PRKCH: variants seen among roughly 807,000 people sequenced by gnomAD.
The protein encoded by PRKCH is protein kinase C eta type.
Under a neutral mutation model 82.5 loss-of-function variants are expected in PRKCH, and 28 were observed. The ratio of observed to expected loss-of-function variants is 0.34; its 90% CI spans 0.25 to 0.47. PRKCH has a LOEUF of 0.47. Ranked by LOEUF, PRKCH falls within the 20% of genes least tolerant of loss-of-function variation. The pLI, the probability that PRKCH is intolerant of heterozygous loss-of-function variation, is 1.00. For missense variants in PRKCH, 705 were observed against 881.8 expected, an observed-to-expected ratio of 0.80 and a Z score of 2.54; for synonymous variants, 322 against 327.4, an observed-to-expected ratio of 0.98 and a Z score of 0.18.
At chr14:61,472,619 G>A (rs1351218079) in intron 9 of PRKCH, among the ~76,000 whole-genome samples, 2 of 152,166 alleles carry the variant, frequency 1.3e-5, no homozygotes, top group Non-Finnish European at 2.9e-5. Context: ...GAGCCCGGGA[G>A]GTTGAGGCTG....
At chr14:61,491,001 C>G (rs1406888627) in intron 10 of PRKCH, among the ~76,000 whole-genome samples, 1 of 152,166 alleles carries the variant, frequency 6.6e-6, no homozygotes. Context: ...CACTCTCTCT[C>G]TCTCCCTGCA....
intron 10 of PRKCH, among the ~76,000 whole-genome samples, chr14:61,507,180 A>T (rs1887185697): frequency 6.6e-6 from 1 of 152,204 alleles, no homozygotes; most frequent in Non-Finnish European, 1.5e-5. Flanking sequence ...CAGTAGGTTT[A>T]TGAAAAGTTG....
At chr14:61,390,899 C>G (rs1324349135) in intron 1 of PRKCH, 6 of 225,130 alleles carry the variant, frequency 2.7e-5, no homozygotes, top group African/African-American at 1.4e-4. Context: ...AAATGCTGCT[C>G]TTATAAGCCA....
chr14:61,265,200 G>A (rs1373569041), intron 1 of PRKCH, among the ~76,000 whole-genome samples: 1 of 152,162 alleles, frequency 6.6e-6, no homozygotes, highest in Non-Finnish European at 1.5e-5. Context: ...AACCATCCCA[G>A]GCGGGTGCGG....
intron 1 of PRKCH, among the ~76,000 whole-genome samples, chr14:61,221,599 CT>C (rs2044656629): frequency 6.6e-6 from 1 of 152,130 alleles, no homozygotes; most frequent in Admixed American, 6.5e-5. Flanking sequence ...TATATTCTTC[CT>C]GCACAGATTC....
intron 1 of PRKCH, among the ~76,000 whole-genome samples, chr14:61,224,699 C>T (rs1405148255): frequency 1.3e-5 from 2 of 152,196 alleles, no homozygotes; most frequent in African/African-American, 4.8e-5. Context: ...GTCCACATGA[C>T]TTATTATCCT....
intron 1 of PRKCH, among the ~76,000 whole-genome samples, chr14:61,198,869 G>C (rs971661825): frequency 6.6e-6 from 1 of 152,190 alleles, no homozygotes; most frequent in African/African-American, 2.4e-5. Context: ...TCTTATATTT[G>C]TGCATCATTC....
At chr14:61,275,966 G>C (rs1279127472) in intron 1 of PRKCH, among the ~76,000 whole-genome samples, 1 of 152,146 alleles carries the variant, frequency 6.6e-6, no homozygotes, top group Non-Finnish European at 1.5e-5. Flanking sequence ...CAGTGGGGAC[G>C]CATTTTTTCC....
At chr14:61,512,218 A>G (rs927898680) in intron 10 of PRKCH, among the ~76,000 whole-genome samples, 1 of 148,216 alleles carries the variant, frequency 6.7e-6, no homozygotes, top group Non-Finnish European at 1.5e-5. Context: ...CATATACTAC[A>G]TCCTGAAACT....
At chr14:61,456,117 A>T (rs1330916052) in intron 7 of PRKCH, among the ~76,000 whole-genome samples, 1 of 152,236 alleles carries the variant, frequency 6.6e-6, no homozygotes, top group Non-Finnish European at 1.5e-5. Context: ...CCAGGCACCA[A>T]TCTAAGTGCT....
intron 1 of PRKCH, among the ~76,000 whole-genome samples, chr14:61,368,747 CT>C (rs1452945240): frequency 6.6e-6 from 1 of 152,032 alleles, no homozygotes; most frequent in Admixed American, 6.5e-5. Flanking sequence ...AAGTAGAAAG[CT>C]GTTTGATTAT....
At chr14:61,377,884 A>G (rs1362678866) in intron 1 of PRKCH, among the ~76,000 whole-genome samples, 6 of 152,118 alleles carry the variant, frequency 3.9e-5, no homozygotes, top group African/African-American at 1.4e-4. Flanking sequence ...TTCCTTTTAC[A>G]TGTTAATCTC....
intron 10 of PRKCH, among the ~76,000 whole-genome samples, chr14:61,526,605 C>G (rs2042969351): frequency 6.6e-6 from 1 of 152,250 alleles, no homozygotes; most frequent in South Asian, 2.1e-4. Flanking sequence ...CTCCTCCAAG[C>G]CAGCAACGTG....
intron 1 of PRKCH, among the ~76,000 whole-genome samples, chr14:61,300,470 C>T (rs2140103797): frequency 1.3e-5 from 2 of 152,218 alleles, no homozygotes; most frequent in South Asian, 4.1e-4. Context: ...TCAAAGATCA[C>T]AATGTGGGGT....
chr14:61,487,234 C>T (rs933536817), intron 10 of PRKCH, among the ~76,000 whole-genome samples: 3 of 152,136 alleles, frequency 2.0e-5, no homozygotes, highest in Admixed American at 6.5e-5. Context: ...AGCCTCACGG[C>T]ACTGTGCAGG....
chr14:61,329,443 C>T lies in PRKCH; in HGVS notation c.363+6979C>T, dbSNP rs1052580532. On this transcript the variant is annotated intron_variant, in intron 1 of 13. Transcript: ENST00000332981. ...TAGAGACAGGGTTTTGCCATGTTGG[C>T]CAGGCTGGTCTCAAACTCCTGACTT... 5.3e-5 allele frequency among the ~76,000 whole-genome samples: 8 copies of T among 152,096 alleles called. 1 individual carries two copies. The highest frequency in any genetic ancestry group is 2.1e-4 in the South Asian group (1 of 4,800).
intron 1 of PRKCH, among the ~76,000 whole-genome samples, chr14:61,231,964 C>G (rs895549778): frequency 6.6e-6 from 1 of 152,190 alleles, no homozygotes; most frequent in Non-Finnish European, 1.5e-5. Flanking sequence ...TGGATGTCCT[C>G]TAATTCATTT....
At chr14:61,213,215 A>G (rs2044595163) in intron 1 of PRKCH, among the ~76,000 whole-genome samples, 1 of 152,098 alleles carries the variant, frequency 6.6e-6, no homozygotes, top group South Asian at 2.1e-4. Context: ...CTCCCGCCTT[A>G]CCCTCTCTTC....
chr14:61,377,188 G>T (rs2046437892), intron 1 of PRKCH, among the ~76,000 whole-genome samples: 2 of 152,160 alleles, frequency 1.3e-5, no homozygotes, highest in African/African-American at 4.8e-5. Flanking sequence ...CATGTCCCAT[G>T]ATGCTAAACT....
Sources: allele counts gnomAD v4.1 joint callset (sites outside exome capture counted in the v4.1 genomes callset), GRCh38; gene constraint gnomAD v4.1.1; transcripts MANE v1.5; gene names NCBI Gene and HGNC (gene_info 2026-07-23, HGNC 2026-07-21).